ATP6V1A: variants seen among roughly 807,000 people sequenced by gnomAD.
ATP6V1A encodes ATPase H+ transporting V1 subunit A, also known as V-type proton ATPase catalytic subunit A.
Under a neutral mutation model 70.1 loss-of-function variants are expected in ATP6V1A, and 18 were observed. The observed-to-expected ratio is 0.26, with a 90% CI of 0.18 to 0.38. The LOEUF (loss-of-function observed/expected upper bound fraction) is 0.38. Among genes scored for constraint, ATP6V1A ranks in the 10% least tolerant of loss-of-function variants. The pLI is 1.00. For missense variants in ATP6V1A, 424 were observed against 772.4 expected (o/e 0.55, Z 5.35); for synonymous variants, 232 against 253.8 (o/e 0.91, Z 0.82).
intron 6 of ATP6V1A, 126 bp from the exon 7 acceptor site, chr3:113,788,587 C>G: frequency 1.4e-6 from 1 of 737,364 alleles, no homozygotes; most frequent in Non-Finnish European, 2.1e-6. Context: ...TTCAGATGAT[C>G]CACCCGCTTC....
At chr3:113,762,824 A>G (rs773202373) in intron 1 of ATP6V1A, among the ~76,000 whole-genome samples, 1 of 152,158 alleles carries the variant, frequency 6.6e-6, no homozygotes, top group Non-Finnish European at 1.5e-5. Flanking sequence ...TTATGTTGTC[A>G]TTATTGGATT....
At chr3:113,782,383 C>T (rs577581816) in intron 3 of ATP6V1A, among the ~76,000 whole-genome samples, 3 of 151,784 alleles carry the variant, frequency 2.0e-5, no homozygotes, top group African/African-American at 7.2e-5. Context: ...CCTTTGTTGT[C>T]TTGTATCTAG....
At chr3:113,803,799 G>T in intron 13 of ATP6V1A, 122 bp downstream of exon 13, 3 of 662,864 alleles carry the variant, frequency 4.5e-6, no homozygotes, top group South Asian at 4.5e-5. Flanking sequence ...TTAGTAGATT[G>T]GTTTATTTGT....
intron 11 of ATP6V1A, among the ~76,000 whole-genome samples, chr3:113,797,604 C>T (rs1709167692): frequency 6.6e-6 from 1 of 152,082 alleles, no homozygotes; most frequent in African/African-American, 2.4e-5. Flanking sequence ...TCTACATAAA[C>T]CTTTTCTGGT....
intron 1 of ATP6V1A, among the ~76,000 whole-genome samples, chr3:113,770,035 T>C (rs1249558003): frequency 3.1e-5 from 2 of 64,468 alleles, no homozygotes; most frequent in Non-Finnish European, 7.2e-5. Context: ...CTGCTTTTAT[T>C]TATTTATTTA....
intron 6 of ATP6V1A, 56 bp from the exon 7 acceptor site, chr3:113,788,657 A>T: frequency 6.4e-7 from 1 of 1,558,594 alleles, no homozygotes; most frequent in Non-Finnish European, 8.7e-7. Context: ...CCCCTACTTT[A>T]TTTATTAATA....
chr3:113,800,611 T>G (rs1709200425), intron 12 of ATP6V1A, among the ~76,000 whole-genome samples: 1 of 152,158 alleles, frequency 6.6e-6, no homozygotes, highest in Admixed American at 6.5e-5. Context: ...AAAGTTAGAA[T>G]CCAGATAGAT....
intron 1 of ATP6V1A, among the ~76,000 whole-genome samples, chr3:113,762,857 A>G (rs1708721348): frequency 6.6e-6 from 1 of 152,198 alleles, no homozygotes; most frequent in Non-Finnish European, 1.5e-5. Flanking sequence ...CTAATATTGC[A>G]GTATAACAAT....
intron 1 of ATP6V1A, among the ~76,000 whole-genome samples, chr3:113,753,210 G>C (rs551828190): frequency 6.6e-6 from 1 of 152,264 alleles, no homozygotes; most frequent in Middle Eastern, 3.4e-3. Context: ...AACAGTAAAG[G>C]ATGTGTAACC....
chr3:113,774,940 T>A (rs528236266), intron 1 of ATP6V1A, among the ~76,000 whole-genome samples: 1 of 152,276 alleles, frequency 6.6e-6, no homozygotes, highest in African/African-American at 2.4e-5. Context: ...ATTGACCTTG[T>A]GAAATACTTC....
chr3:113,784,500 A>G, intron 4 of ATP6V1A, 62 bp downstream of exon 4: 10 of 1,497,236 alleles, frequency 6.7e-6, no homozygotes, highest in Non-Finnish European at 9.2e-6. Flanking sequence ...AATGTTTAGT[A>G]AACTACATTG....
At chr3:113,763,077 C>A (rs538081765) in intron 1 of ATP6V1A, among the ~76,000 whole-genome samples, 1 of 151,746 alleles carries the variant, frequency 6.6e-6, no homozygotes, top group Non-Finnish European at 1.5e-5. Flanking sequence ...ACATCTCTTT[C>A]CTTTTTACCT....
At chr3:113,766,282 CTT>C (rs35414984) in intron 1 of ATP6V1A, among the ~76,000 whole-genome samples, 3 of 135,718 alleles carry the variant, frequency 2.2e-5, no homozygotes, top group East Asian at 2.2e-4. Flanking sequence ...ATCTCTCTCT[CTT>C]TCTCTCTCTC....
intron 1 of ATP6V1A, among the ~76,000 whole-genome samples, chr3:113,776,177 G>C (rs1708909873): frequency 6.6e-6 from 1 of 152,020 alleles, no homozygotes; most frequent in South Asian, 2.1e-4. Context: ...TGGGCAACAT[G>C]GTGAAACCCT....
intron 1 of ATP6V1A, among the ~76,000 whole-genome samples, chr3:113,764,829 T>G (rs1399135406): frequency 6.6e-6 from 1 of 151,900 alleles, no homozygotes; most frequent in African/African-American, 2.4e-5. Flanking sequence ...CCCAGCACTG[T>G]AATCATGCCT....
chr3:113,782,742 C>G (rs901774193), intron 3 of ATP6V1A, among the ~76,000 whole-genome samples: 1 of 151,600 alleles, frequency 6.6e-6, no homozygotes, highest in East Asian at 1.9e-4. Context: ...TCTGCCTCAG[C>G]CTCCCAAGTA....
chr3:113,779,051 A>C, intron 2 of ATP6V1A: 1 of 352,646 alleles, frequency 2.8e-6, no homozygotes, highest in Non-Finnish European at 5.1e-6. Flanking sequence ...TTGAGGTACT[A>C]CTTTGTGATA....
intron 1 of ATP6V1A, among the ~76,000 whole-genome samples, chr3:113,754,923 C>T (rs1708630380): frequency 6.6e-6 from 1 of 152,144 alleles, no homozygotes; most frequent in Non-Finnish European, 1.5e-5. Flanking sequence ...ATAGCAGATG[C>T]TTTAGAGTTG....
At chr3:113,765,717 G>A (rs1577082812) in intron 1 of ATP6V1A, among the ~76,000 whole-genome samples, 1 of 148,886 alleles carries the variant, frequency 6.7e-6, no homozygotes, top group East Asian at 2.0e-4. Context: ...AGGAGTTCAA[G>A]ACCAGCTTGG....
Sources: gnomAD v4.1 joint callset for allele counts (sites outside exome capture counted in the v4.1 genomes callset) on GRCh38, gnomAD v4.1.1 for gene constraint, MANE v1.5 for transcripts, NCBI Gene and HGNC (gene_info 2026-07-23, HGNC 2026-07-21) for gene names.